Variants in DPP6 observed in about 807,000 individuals in gnomAD.
The protein encoded by DPP6 is dipeptidyl peptidase like 6.
In DPP6, 69 loss-of-function variants were observed where a neutral mutation model predicts 122.6. The observed-to-expected ratio is 0.56, with a 90% confidence interval of 0.46 to 0.69. DPP6 has a LOEUF of 0.69. Ranked by LOEUF, DPP6 falls within the 30% of genes least tolerant of loss-of-function variation. DPP6 has a pLI of 0.00. For missense variants in DPP6, 928 were observed against 1,116.9 expected, an observed-to-expected ratio of 0.83 and a Z score of 2.41; for synonymous variants, 418 against 433.1, an observed-to-expected ratio of 0.97 and a Z score of 0.43.
At chr7:154,305,934 T>C (rs917276846) in intron 1 of DPP6, among the ~76,000 whole-genome samples, 2 of 152,118 alleles carry the variant, frequency 1.3e-5, no homozygotes, top group Non-Finnish European at 2.9e-5. Flanking sequence ...TAGTACTTTG[T>C]AACTTGGGGG....
chr7:154,091,900 A>G (rs1804876872), intron 1 of DPP6, among the ~76,000 whole-genome samples: 1 of 152,200 alleles, frequency 6.6e-6, no homozygotes, highest in African/African-American at 2.4e-5. Context: ...GGATTTTGCA[A>G]AACTCTCACA....
At chr7:154,705,128 G>A (rs1021948780) in intron 7 of DPP6, among the ~76,000 whole-genome samples, 3 of 152,200 alleles carry the variant, frequency 2.0e-5, no homozygotes, top group East Asian at 1.9e-4. Context: ...GGAGAGGAGA[G>A]GGGGAGAAGG....
At chr7:153,989,224 T>G in intron 1 of DPP6, among the ~76,000 whole-genome samples, 1 of 126,588 alleles carries the variant, frequency 7.9e-6, no homozygotes, top group Admixed American at 9.3e-5. Context: ...TGGGAGAAAG[T>G]GTGAGCGTGT....
At chr7:154,791,197 A>G (rs1034600562) in intron 10 of DPP6, among the ~76,000 whole-genome samples, 2 of 152,172 alleles carry the variant, frequency 1.3e-5, no homozygotes, top group Non-Finnish European at 2.9e-5. Context: ...GGTTGCAGTG[A>G]GCCAAGATAT....
At chr7:154,439,352 T>A (rs1563673343) in intron 1 of DPP6, among the ~76,000 whole-genome samples, 1 of 152,226 alleles carries the variant, frequency 6.6e-6, no homozygotes, top group Non-Finnish European at 1.5e-5. Context: ...GCAGCTTACT[T>A]CATAGCCATC....
At chr7:154,328,182 C>A (rs1242679557) in intron 1 of DPP6, among the ~76,000 whole-genome samples, 5 of 152,150 alleles carry the variant, frequency 3.3e-5, no homozygotes, top group African/African-American at 9.7e-5. Context: ...GGCCCACACC[C>A]TGAGTGTAAT....
chr7:154,012,979 G>A (rs1798216507), intron 1 of DPP6, among the ~76,000 whole-genome samples: 2 of 152,136 alleles, frequency 1.3e-5, no homozygotes, highest in Non-Finnish European at 2.9e-5. Flanking sequence ...GGGTGGGTGT[G>A]GATCAGACAT....
chr7:154,397,131 A>T (rs1361998247), intron 1 of DPP6, among the ~76,000 whole-genome samples: 1 of 150,294 alleles, frequency 6.7e-6, no homozygotes, highest in African/African-American at 2.4e-5. Context: ...ATTATAAGAT[A>T]AATTTATAAT....
chr7:154,509,796 C>A (rs573649724), intron 3 of DPP6, among the ~76,000 whole-genome samples: 1 of 152,150 alleles, frequency 6.6e-6, no homozygotes, highest in African/African-American at 2.4e-5. Context: ...CTACATGCTA[C>A]GTACTGATTA....
chr7:154,459,147 AAG>A lies in DPP6; in HGVS notation c.358+12821_358+12822del, dbSNP rs569531729. On this transcript the variant is annotated intron_variant, in intron 2 of 25. Transcript: ENST00000377770. ...GGGAGATGAAATGCAGATTAAAAAAAAGAAGCCAATGAAATTCAGATTAAAAA... is the reference window on the plus strand; with the variant it reads ...GGGAGATGAAATGCAGATTAAAAAAAAAGCCAATGAAATTCAGATTAAAAA... Among the ~76,000 whole-genome samples the A allele has an allele frequency of 4.0e-4, 21 of 51,898 alleles. No individual in the cohort carries two copies. The South Asian group carries it at 0.012, about 29-fold the overall frequency. 34.0% of individuals were successfully genotyped at this position (51,898 alleles called of 152,430 possible). A position where few individuals can be genotyped will look rare whatever the true frequency, so the allele number is the denominator to read the frequency against.
chr7:154,061,694 C>T (rs1465372494), intron 1 of DPP6, among the ~76,000 whole-genome samples: 6 of 85,188 alleles, frequency 7.0e-5, no homozygotes, highest in East Asian at 4.7e-4. Context: ...GGACCACCAT[C>T]GCAGGGGGGG....
At chr7:153,997,593 G>GCACACA (rs3980023) in intron 1 of DPP6, among the ~76,000 whole-genome samples, 6,909 of 146,032 alleles carry the variant, frequency 0.047, 291 homozygotes, top group East Asian at 0.17. Flanking sequence ...TGAGTGCACA[G>GCACACA]CACACACACA....
intron 1 of DPP6, among the ~76,000 whole-genome samples, chr7:153,979,900 T>C (rs1275092246): frequency 6.6e-6 from 1 of 152,224 alleles, no homozygotes; most frequent in African/African-American, 2.4e-5. Context: ...GAAGCCGAGT[T>C]GATCATGGTG....
chr7:153,887,730 T>G (rs2128991705), exon 1 of DPP6: 1 of 1,613,412 alleles, frequency 6.2e-7, no homozygotes, highest in Non-Finnish European at 8.5e-7. Flanking sequence ...CAGGGGAACG[T>G]GATGGTGAGT....
the DPP6 span, among the ~76,000 whole-genome samples, chr7:153,766,126 G>A: frequency 1.3e-5 from 2 of 152,330 alleles, no homozygotes; most frequent in Non-Finnish European, 2.9e-5. Flanking sequence ...TGACAAATCA[G>A]TCGAAGCCTT....
At chr7:154,723,692 TTTTTCATA>T (rs1284912988) in intron 7 of DPP6, among the ~76,000 whole-genome samples, 1 of 152,244 alleles carries the variant, frequency 6.6e-6, no homozygotes, top group Non-Finnish European at 1.5e-5. Flanking sequence ...AGAAACTGCC[TTTTTCATA>T]TTTTCAGTAA....
At chr7:154,490,199 C>T (rs573308379) in intron 3 of DPP6, among the ~76,000 whole-genome samples, 2 of 152,306 alleles carry the variant, frequency 1.3e-5, no homozygotes, top group African/African-American at 4.8e-5. Context: ...AAGTTATGTT[C>T]ACTAAATACA....
At chr7:154,220,184 G>C (rs1800224129) in intron 1 of DPP6, among the ~76,000 whole-genome samples, 1 of 152,150 alleles carries the variant, frequency 6.6e-6, no homozygotes, top group African/African-American at 2.4e-5. Flanking sequence ...AAGTAATTAA[G>C]TCCTGAGGGC....
At chr7:154,284,533 A>G (rs981917225) in intron 1 of DPP6, among the ~76,000 whole-genome samples, 4 of 152,340 alleles carry the variant, frequency 2.6e-5, no homozygotes, top group Admixed American at 6.5e-5. Context: ...GTTCTGATAC[A>G]TGTTACAACA....
Sources: gnomAD v4.1 joint callset for allele counts (sites outside exome capture counted in the v4.1 genomes callset) on GRCh38, gnomAD v4.1.1 for gene constraint, MANE v1.5 for transcripts, NCBI Gene and HGNC (gene_info 2026-07-23, HGNC 2026-07-21) for gene names.